The following MRPS22 variants were observed in gnomAD, a reference collection of about 807,000 sequenced individuals.
MRPS22 encodes mitochondrial ribosomal protein S22.
A neutral mutation model predicts 44.0 loss-of-function variants in MRPS22; 30 were observed. The ratio of observed to expected loss-of-function variants is 0.68; its 90% CI spans 0.51 to 0.93. The LOEUF (loss-of-function observed/expected upper bound fraction) is 0.93, where lower values mean the gene tolerates loss of function less well. Ranked by LOEUF, MRPS22 falls within the 40% of genes least tolerant of loss-of-function variation. MRPS22 has a pLI of 0.00. For synonymous variants in MRPS22, 165 were observed against 154.4 expected (o/e 1.07, Z -0.51); for missense variants, 447 against 447.8 (o/e 1.00, Z 0.02).
chr3:139,352,950 A>G (rs1338418143), intron 6 of MRPS22, among the ~76,000 whole-genome samples, 158 bp downstream of exon 6: 9 of 152,080 alleles, frequency 5.9e-5, no homozygotes, highest in African/African-American at 2.2e-4. Flanking sequence ...TAGCTCTCCT[A>G]GTTTTTGCTT....
chr3:139,352,393 CAA>C (rs1421755944), intron 5 of MRPS22: 1 of 417,030 alleles, frequency 2.4e-6, no homozygotes, highest in Non-Finnish European at 4.5e-6. Context: ...CTCAGCTTCC[CAA>C]AGTGTTGGGA....
chr3:139,351,574 C>T lies in MRPS22; in HGVS notation c.732+514C>T, dbSNP rs114893049. ...CTAGTAAGTATACAAATAATTATCT[C>T]CTCAGGCCTAAAATGCTAGACACTA... On this transcript the variant is annotated intron_variant, in intron 5 of 7. Coordinates refer to ENST00000680020, the MANE Select transcript of MRPS22 (RefSeq NM_020191.4). 1,531 of 175,342 alleles carry T rather than the reference C, an allele frequency of 8.7e-3. 27 individuals are homozygous for T. The highest frequency in any genetic ancestry group is 0.034 in the African/African-American group (1,415 of 41,950). The allele number at this position is 175,342 out of a possible 1,614,324, so 10.9% of individuals were successfully genotyped here.
rs1941291322 is a variant in MRPS22, at chr3:139,356,947, G to A, written c.1016G>A (p.Gly339Glu). Reference protein sequence around the residue: ...KVFAKTEAQKGAYIELTLQTY... With the variant: ...KVFAKTEAQKEAYIELTLQTY... ...TTTGCAAAAACAGAAGCACAGAAGG[G>A]AGCCTATATAGAACTAACACTGCAG... Residue 339 changes from glycine to glutamate, a missense_variant, in exon 8 of 8, where the codon GGA becomes GAA. Gly to Glu is a moderately conservative substitution (Grantham distance 98). Coordinates refer to ENST00000680020, the MANE Select transcript of MRPS22 (RefSeq NM_020191.4). The A allele has an allele frequency of 6.2e-7, 1 of 1,612,924 alleles. No homozygotes were observed. Among genetic ancestry groups the A allele is most frequent in the Non-Finnish European group, 8.5e-7 (1 of 1,179,522 alleles).
At chr3:139,351,829 G>C (rs1941158590) in intron 5 of MRPS22, 1 of 153,070 alleles carries the variant, frequency 6.5e-6, no homozygotes, top group Non-Finnish European at 1.5e-5. Context: ...TTAGGAAGGT[G>C]GATGTAGCCA....
intron 1 of MRPS22, among the ~76,000 whole-genome samples, chr3:139,344,889 AG>A (rs1941009444): frequency 6.6e-6 from 1 of 152,250 alleles, no homozygotes; most frequent in Non-Finnish European, 1.5e-5. Flanking sequence ...GTGCAGGAGT[AG>A]ATGAGATCAG....
Position 139,348,149 on chromosome 3 carries a change from T to G in MRPS22, c.340-11T>G. ...TTGTGGCTTTCCTTAATAAATATTT[T>G]CTTTCATTAGGCTACAAGACAGGCA... is the stretch of plus-strand genomic sequence containing the variant. On this transcript the variant is annotated splice_polypyrimidine_tract_variant and intron_variant, in intron 2 of 7. Transcript: ENST00000680020. The G allele has an allele frequency of 6.2e-7, 1 of 1,613,780 alleles. No homozygotes were observed.
At position 139,356,976 on chromosome 3, in the gene MRPS22, T is replaced by A. The variant is rs886058024; in HGVS notation, c.1045T>A (p.Tyr349Asn). 1 of 1,612,984 alleles carries A rather than the reference T, an allele frequency of 6.2e-7. No homozygotes were observed. The highest frequency in any genetic ancestry group is 8.5e-7 in the Non-Finnish European group (1 of 1,179,528). Reference protein sequence around the residue: ...GAYIELTLQTYQEALSRHSAA... With the variant: ...GAYIELTLQTNQEALSRHSAA... The stretch of plus-strand genomic sequence containing the variant: ...CTATATAGAACTAACACTGCAGACT[T>A]ATCAAGAAGCACTCAGTCGCCATTC... The change falls in exon 8 of 8, where the codon TAT becomes AAT. Residue 349 changes from tyrosine to asparagine, a missense_variant. Physicochemically the swap from Tyr to Asn is moderately radical, Grantham distance 143. Coordinates refer to ENST00000680020, the MANE Select transcript of MRPS22 (RefSeq NM_020191.4).
chr3:139,352,561 A>G (rs1941170772), intron 5 of MRPS22, 86 bp from the exon 6 acceptor site: 2 of 1,220,378 alleles, frequency 1.6e-6, no homozygotes, highest in Non-Finnish European at 2.4e-6. Context: ...TTGCTTGGGC[A>G]GCACTCATGC....
At chr3:139,351,493 G>C (rs1449490850) in intron 5 of MRPS22, 3 of 266,622 alleles carry the variant, frequency 1.1e-5, no homozygotes, top group African/African-American at 2.2e-5. Context: ...CCACGAACTA[G>C]GATAGAGTAT....
At chr3:139,349,319 G>A (rs1490366752) in intron 3 of MRPS22, 2 of 440,366 alleles carry the variant, frequency 4.5e-6, no homozygotes, top group South Asian at 1.6e-5. Context: ...TTTTTTTTTC[G>A]ATTGGCAGTG....
At chr3:139,355,358 C>T (rs1941227723) in intron 6 of MRPS22, among the ~76,000 whole-genome samples, 1 of 152,102 alleles carries the variant, frequency 6.6e-6, no homozygotes, top group Non-Finnish European at 1.5e-5. Flanking sequence ...AAATTGTCTA[C>T]CATTAGGAAT....
At chr3:139,346,338 C>A (rs922548607) in intron 1 of MRPS22, among the ~76,000 whole-genome samples, 8 of 152,118 alleles carry the variant, frequency 5.3e-5, no homozygotes, top group Non-Finnish European at 1.0e-4. Flanking sequence ...TCCTGTATAC[C>A]ATACCTCTCA....
At position 139,357,011 on chromosome 3, in the gene MRPS22, CTAAAAATATTT is replaced by C; in HGVS notation, c.*6_*16del. 1 of 1,605,416 alleles carries C rather than the reference CTAAAAATATTT, an allele frequency of 6.2e-7. No individual in the cohort carries two copies. The highest frequency in any genetic ancestry group is 8.5e-7 in the Non-Finnish European group (1 of 1,173,366). ...CACTCAGTCGCCATTCTGCAGCTTC[CTAAAAATATTT>C]TAAAAATACATTTATTTTACTAAAT... On this transcript the variant is annotated stop_retained_variant and 3_prime_UTR_variant, in exon 8 of 8. Transcript: ENST00000680020.
At chr3:139,354,754 G>A (rs981907790) in intron 6 of MRPS22, among the ~76,000 whole-genome samples, 1 of 152,078 alleles carries the variant, frequency 6.6e-6, no homozygotes, top group Non-Finnish European at 1.5e-5. Context: ...TGCTAGCTGC[G>A]GAAGCACTGA....
At chr3:139,350,430 C>CA in intron 4 of MRPS22, 108 bp downstream of exon 4, 1 of 1,028,974 alleles carries the variant, frequency 9.7e-7, no homozygotes, top group Non-Finnish European at 1.4e-6. Context: ...GATAACTTGA[C>CA]TTTTTTTTTT....
chr3:139,344,293 C>A, intron 1 of MRPS22, 95 bp downstream of exon 1: 2 of 1,297,842 alleles, frequency 1.5e-6, no homozygotes, highest in Non-Finnish European at 2.2e-6. Flanking sequence ...CCCCGCGACA[C>A]GTATCCTAGC....
At chr3:139,345,438 G>GTTTTTT (rs55710231) in intron 1 of MRPS22, among the ~76,000 whole-genome samples, 4 of 121,646 alleles carry the variant, frequency 3.3e-5, no homozygotes, top group African/African-American at 6.0e-5. Context: ...TGCCAGTGGT[G>GTTTTTT]TTTTTTTTTT....
intron 7 of MRPS22, 41 bp from the exon 8 acceptor site, chr3:139,356,878 T>TATG: frequency 2.1e-6 from 3 of 1,399,478 alleles, no homozygotes; most frequent in Admixed American, 3.4e-5. Context: ...ATAAATAGCA[T>TATG]ATGTCCTATT....
chr3:139,347,095 CA>C, intron 2 of MRPS22, 51 bp downstream of exon 2: 1 of 1,600,784 alleles, frequency 6.2e-7, no homozygotes, highest in Non-Finnish European at 8.6e-7. Context: ...AGGGTTTAAA[CA>C]ACATTTCTAG....
Sources: gnomAD v4.1 joint callset for allele counts (sites outside exome capture counted in the v4.1 genomes callset) on GRCh38, gnomAD v4.1.1 for gene constraint, MANE v1.5 for transcripts, NCBI Gene and HGNC (gene_info 2026-07-23, HGNC 2026-07-21) for gene names.